TMPRSS15: variants seen among roughly 807,000 people sequenced by gnomAD.
TMPRSS15 encodes enteropeptidase.
Under a neutral mutation model 125.3 loss-of-function variants are expected in TMPRSS15, and 128 were observed. That is an observed-to-expected ratio of 1.02 (90% CI 0.89 to 1.18). The LOEUF is 1.18. Ranked by LOEUF, TMPRSS15 falls within the 50% of genes most tolerant of loss-of-function variation. The probability of loss-of-function intolerance (pLI) is 0.00; values close to 1 mark genes in which losing one functional copy is unlikely to be tolerated. For synonymous variants in TMPRSS15, 446 were observed against 423.2 expected (o/e 1.05, Z -0.66); for missense variants, 1,283 against 1,212.7 (o/e 1.06, Z -0.86).
At chr21:18,341,709 C>G (rs923532695) in intron 12 of TMPRSS15, among the ~76,000 whole-genome samples, 161 bp from the exon 13 acceptor site, 1 of 152,126 alleles carries the variant, frequency 6.6e-6, no homozygotes, top group Non-Finnish European at 1.5e-5. Context: ...CTTGACAGAT[C>G]ATGCTTTTTA....
chr21:18,343,769 GT>G, intron 11 of TMPRSS15, 113 bp from the exon 12 acceptor site: 1 of 1,344,324 alleles, frequency 7.4e-7, no homozygotes, highest in Non-Finnish European at 1.1e-6. Context: ...TTCCTTCTGG[GT>G]TTTGGAGTTG....
At chr21:18,398,129 G>T (rs1273326766) in intron 2 of TMPRSS15, 70 bp downstream of exon 2, 24 of 1,546,550 alleles carry the variant, frequency 1.6e-5, no homozygotes, top group Non-Finnish European at 2.1e-5. Context: ...GTTTCACAGT[G>T]AGAAAATGGT....
At chr21:18,321,594 G>A (rs529110503) in intron 16 of TMPRSS15, among the ~76,000 whole-genome samples, 4 of 152,128 alleles carry the variant, frequency 2.6e-5, no homozygotes, top group South Asian at 2.1e-4. Context: ...CTCTCGATCC[G>A]CCCGCCTTGG....
At chr21:18,307,192 CA>C (rs2075047208) in intron 18 of TMPRSS15, among the ~76,000 whole-genome samples, 1 of 152,202 alleles carries the variant, frequency 6.6e-6, no homozygotes, top group Admixed American at 6.5e-5. Flanking sequence ...ATTTAATAAG[CA>C]CAGGCTCAAA....
chr21:18,466,736 G>A (rs950886893), intron 1 of TMPRSS15, among the ~76,000 whole-genome samples: 1 of 152,124 alleles, frequency 6.6e-6, no homozygotes, highest in African/African-American at 2.4e-5. Context: ...AGTTAGAATG[G>A]TGATCATTAA....
At position 18,315,030 on chromosome 21, in the gene TMPRSS15, G is replaced by A. The variant is rs188295223; in HGVS notation, c.2032+116C>T. The stretch of plus-strand genomic sequence containing the variant: ...ATCATCTCAGAGATGAGATGTTCTC[G>A]TTCCAAAGCATCAAAACAGGTCCTA... On this transcript the variant is annotated intron_variant, in intron 17 of 24. Transcript: ENST00000284885. 7.0e-4 allele frequency: 579 copies of A among 829,208 alleles called. 1 individual carries two copies. Among genetic ancestry groups the A allele is most frequent in the Non-Finnish European group, 9.7e-4 (480 of 492,734 alleles). 51.4% of individuals were successfully genotyped at this position (829,208 alleles called of 1,614,324 possible).
chr21:18,272,480 T>C (rs2074569726), intron 24 of TMPRSS15, among the ~76,000 whole-genome samples: 1 of 152,120 alleles, frequency 6.6e-6, no homozygotes, highest in African/African-American at 2.4e-5. Context: ...TCACAGCACT[T>C]TGGGAGGCCG....
intron 18 of TMPRSS15, among the ~76,000 whole-genome samples, chr21:18,310,388 A>G (rs1423452259): frequency 6.6e-6 from 1 of 152,122 alleles, no homozygotes; most frequent in African/African-American, 2.4e-5. Context: ...ACAAAACAAA[A>G]TCATTACAGT....
At chr21:18,391,688 G>A (rs983170724) in intron 3 of TMPRSS15, among the ~76,000 whole-genome samples, 8 of 152,174 alleles carry the variant, frequency 5.3e-5, no homozygotes, top group Admixed American at 1.3e-4. Flanking sequence ...TCTGGAGGAC[G>A]GTGGCTGTCT....
At chr21:18,476,345 T>A (rs1337468438) in intron 1 of TMPRSS15, among the ~76,000 whole-genome samples, 1 of 152,150 alleles carries the variant, frequency 6.6e-6, no homozygotes, top group Non-Finnish European at 1.5e-5. Context: ...CTAGATTTTT[T>A]CCCTTATTGA....
intron 10 of TMPRSS15, among the ~76,000 whole-genome samples, chr21:18,347,356 C>T (rs1166511189): frequency 6.6e-5 from 10 of 152,050 alleles, no homozygotes; most frequent in Admixed American, 1.3e-4. Context: ...CCTGCCTCAG[C>T]CTCCAGAGTA....
intron 18 of TMPRSS15, among the ~76,000 whole-genome samples, chr21:18,309,598 C>T (rs916829888): frequency 1.3e-5 from 2 of 151,800 alleles, no homozygotes; most frequent in African/African-American, 4.8e-5. Flanking sequence ...AACAAACAAC[C>T]CCATCAAAAA....
chr21:18,400,771 C>T (rs1439497726), intron 1 of TMPRSS15, among the ~76,000 whole-genome samples: 1 of 152,116 alleles, frequency 6.6e-6, no homozygotes, highest in Non-Finnish European at 1.5e-5. Context: ...GCAAAATAAA[C>T]TATCAAGAAA....
chr21:18,407,448 C>CTTTTTTTTTTTTTTTTTTTTTTTTT (rs201740388), upstream of TMPRSS15, among the ~76,000 whole-genome samples: 7 of 133,206 alleles, frequency 5.3e-5, 1 homozygote, highest in African/African-American at 1.7e-4. Context: ...TTTTTCTTTT[C>CTTTTTTTTTTTTTTTTTTTTTTTTT]TTTTTTTTTT....
At chr21:18,325,377 A>G (rs894158617) in intron 16 of TMPRSS15, among the ~76,000 whole-genome samples, 5 of 152,030 alleles carry the variant, frequency 3.3e-5, no homozygotes, top group Non-Finnish European at 5.9e-5. Flanking sequence ...GTTGTGCTTC[A>G]TTTTCAGGGC....
intron 1 of TMPRSS15, among the ~76,000 whole-genome samples, chr21:18,399,345 G>A (rs1191066106): frequency 2.0e-5 from 3 of 151,970 alleles, no homozygotes; most frequent in Non-Finnish European, 2.9e-5. Flanking sequence ...CCCATTAAGA[G>A]GATAATTAGA....
chr21:18,393,259 T>C (rs1443382376), intron 3 of TMPRSS15, among the ~76,000 whole-genome samples: 2 of 151,974 alleles, frequency 1.3e-5, no homozygotes, highest in African/African-American at 4.8e-5. Context: ...TCTAAAAAAC[T>C]AGTAACTACA....
chr21:18,316,981 C>T (rs2075174032), intron 16 of TMPRSS15, among the ~76,000 whole-genome samples: 1 of 151,904 alleles, frequency 6.6e-6, no homozygotes, highest in South Asian at 2.1e-4. Context: ...CTACATGGCA[C>T]GTGAACAATC....
At chr21:18,387,413 C>T (rs373309323) in intron 3 of TMPRSS15, among the ~76,000 whole-genome samples, 1 of 152,094 alleles carries the variant, frequency 6.6e-6, no homozygotes, top group South Asian at 2.1e-4. Context: ...CTTTCCTTTC[C>T]TAACTTTGTG....
Sources: gnomAD v4.1 joint callset for allele counts (sites outside exome capture counted in the v4.1 genomes callset) on GRCh38, gnomAD v4.1.1 for gene constraint, MANE v1.5 for transcripts, NCBI Gene and HGNC (gene_info 2026-07-23, HGNC 2026-07-21) for gene names.